The following NAA50 variants were observed in gnomAD, a reference collection of about 807,000 sequenced individuals.
NAA50 encodes N-alpha-acetyltransferase 50, NatE catalytic subunit.
A neutral mutation model predicts 20.7 loss-of-function variants in NAA50; 7 were observed. That is an observed-to-expected ratio of 0.34 (90% CI 0.19 to 0.63). NAA50 has a LOEUF of 0.63. Ranked by LOEUF, NAA50 falls within the 30% of genes least tolerant of loss-of-function variation. NAA50 has a pLI of 0.75. For synonymous variants in NAA50, 54 were observed against 70.6 expected, an observed-to-expected ratio of 0.77 and a Z score of 1.18; for missense variants, 111 against 199.1, an observed-to-expected ratio of 0.56 and a Z score of 2.66.
At position 113,722,943 on chromosome 3, in the gene NAA50, T is replaced by A. The variant is rs1471903271; in HGVS notation, c.295A>T (p.Ile99Phe). The change falls in exon 4 of 5, where the codon ATC becomes TTC. Residue 99 changes from isoleucine (I) to phenylalanine (F), a missense_variant. By Grantham distance (21) the Ile-to-Phe change is conservative (BLOSUM62 0). Transcript: ENST00000240922. ...GTKMLNHVLN[I>F]CEKDGTFDNI... ...TCAAAAGTACCATCTTTTTCACAGATGTTTAAGACATGATTTAACATTTTA... is the reference window on the plus strand; with the variant it reads ...TCAAAAGTACCATCTTTTTCACAGAAGTTTAAGACATGATTTAACATTTTA... The A allele has an allele frequency of 6.5e-7, 1 of 1,543,464 alleles. No homozygotes were observed.
At chr3:113,733,892 CATATTAA>C (rs1299169511) in intron 1 of NAA50, among the ~76,000 whole-genome samples, 12 of 141,062 alleles carry the variant, frequency 8.5e-5, no homozygotes, top group Middle Eastern at 3.6e-3. Context: ...AAAAAATATT[CATATTAA>C]ATATTAAAGT....
chr3:113,741,113 C>T, intron 1 of NAA50: 1 of 549,244 alleles, frequency 1.8e-6, no homozygotes, highest in Non-Finnish European at 3.6e-6. Flanking sequence ...ATGTGGATGA[C>T]TATACTTGAA....
At chr3:113,745,874 T>G in intron 1 of NAA50, 68 bp downstream of exon 1, 1 of 1,537,624 alleles carries the variant, frequency 6.5e-7, no homozygotes, top group Non-Finnish European at 8.8e-7. Context: ...TTTGCGGCTC[T>G]CCCCCTCTAC....
intron 1 of NAA50, among the ~76,000 whole-genome samples, chr3:113,726,966 A>T (rs781053848): frequency 6.6e-6 from 1 of 152,058 alleles, no homozygotes; most frequent in Non-Finnish European, 1.5e-5. Context: ...TGATTTTTGA[A>T]TTTTTTGTAG....
chr3:113,727,234 T>C (rs769049925), intron 1 of NAA50, among the ~76,000 whole-genome samples: 1 of 152,172 alleles, frequency 6.6e-6, no homozygotes, highest in Non-Finnish European at 1.5e-5. Context: ...GAGCATCTCA[T>C]TTAAAAAAAA....
rs1708059246 is a variant in NAA50 at position 113,717,022 on chromosome 3, C to T, written c.*4738G>A. On this transcript the variant is annotated 3_prime_UTR_variant, in exon 5 of 5. Coordinates refer to ENST00000240922, the MANE Select transcript of NAA50 (RefSeq NM_025146.4). ...TAGAAGCTACTGAGCAAGGAAAATA[C>T]CTTGATTCATTCTAGATAGAAAACA... The T allele has an allele frequency of 6.6e-6, 1 of 152,110 alleles. No homozygotes were observed. Among genetic ancestry groups the T allele is most frequent in the African/African-American group, 2.4e-5 (1 of 41,420 alleles). The allele number at this position is 152,110 out of a possible 1,614,324, so 9.4% of individuals were successfully genotyped here. A position where few individuals can be genotyped will look rare whatever the true frequency, so the allele number is the denominator to read the frequency against.
Position 113,721,850 on chromosome 3 carries a change from C to T in NAA50, c.420G>A (p.Lys140=), listed in dbSNP as rs1187598654. The T allele has an allele frequency of 5.0e-6, 8 of 1,613,858 alleles. No homozygotes were observed. In the East Asian group the frequency reaches 1.8e-4, roughly 36 times the overall value. Reference sequence around the variant, plus strand: ...CATGAGCATCTGCGGGCTCTATCCTCTTATAGTAGTTCTTCTTTGTCTCAA... The same window carrying T: ...CATGAGCATCTGCGGGCTCTATCCTTTTATAGTAGTTCTTCTTTGTCTCAA... ...EIIETKKNYY[K]RIEPADAHVL... is the part of the protein sequence containing the mutation. The change falls in exon 5 of 5, where the codon AAG becomes AAA. Residue 140 remains lysine, a synonymous_variant. Transcript: ENST00000240922.
intron 1 of NAA50, among the ~76,000 whole-genome samples, chr3:113,732,795 C>A (rs537438826): frequency 6.6e-6 from 1 of 152,342 alleles, no homozygotes; most frequent in African/African-American, 2.4e-5. Flanking sequence ...TGTCTGCCAA[C>A]ACCTTGATTT....
At chr3:113,743,199 G>C (rs1338222144) in intron 1 of NAA50, among the ~76,000 whole-genome samples, 1 of 152,150 alleles carries the variant, frequency 6.6e-6, no homozygotes, top group Admixed American at 6.5e-5. Flanking sequence ...AAAATATGAA[G>C]AAAAACCAGC....
chr3:113,733,675 A>G (rs1708300631), intron 1 of NAA50, among the ~76,000 whole-genome samples: 1 of 151,930 alleles, frequency 6.6e-6, no homozygotes, highest in African/African-American at 2.4e-5. Flanking sequence ...AACATGGCGA[A>G]ACCCCATCTC....
chr3:113,724,387 T>A (rs1365922264), intron 1 of NAA50, among the ~76,000 whole-genome samples: 1 of 152,212 alleles, frequency 6.6e-6, no homozygotes, highest in Non-Finnish European at 1.5e-5. Context: ...TAGTTCATAG[T>A]TCAGAAAAAT....
At chr3:113,735,173 C>A (rs1708323518) in intron 1 of NAA50, among the ~76,000 whole-genome samples, 1 of 152,092 alleles carries the variant, frequency 6.6e-6, no homozygotes, top group African/African-American at 2.4e-5. Context: ...CGTAAAAGAA[C>A]AGGAACCTAC....
intron 1 of NAA50, among the ~76,000 whole-genome samples, chr3:113,724,423 T>C (rs1293349592): frequency 6.6e-6 from 1 of 152,224 alleles, no homozygotes; most frequent in Non-Finnish European, 1.5e-5. Flanking sequence ...TCTGGTAAAA[T>C]TACAGTTCCT....
chr3:113,735,260 A>C (rs956907717), intron 1 of NAA50, among the ~76,000 whole-genome samples: 10 of 152,230 alleles, frequency 6.6e-5, no homozygotes, highest in Non-Finnish European at 1.5e-4. Context: ...AAATCAAAGA[A>C]TGGATCCCAA....
chr3:113,729,567 G>C (rs1439606450), intron 1 of NAA50, among the ~76,000 whole-genome samples: 4 of 149,550 alleles, frequency 2.7e-5, no homozygotes, highest in Non-Finnish European at 5.9e-5. Context: ...TTTGAGATGA[G>C]GGTCTCAACT....
intron 1 of NAA50, chr3:113,739,337 A>G (rs1007455234): frequency 6.6e-6 from 1 of 152,254 alleles, no homozygotes; most frequent in Admixed American, 6.5e-5. Context: ...AGAGAAGGAC[A>G]TTCTCATACA....
At chr3:113,737,796 C>T (rs1460153029) in intron 1 of NAA50, among the ~76,000 whole-genome samples, 6 of 152,122 alleles carry the variant, frequency 3.9e-5, no homozygotes, top group Non-Finnish European at 8.8e-5. Context: ...CAGAACTCTC[C>T]TACATCCTGT....
chr3:113,723,636 T>C, intron 2 of NAA50, 95 bp from the exon 3 acceptor site: 1 of 1,319,084 alleles, frequency 7.6e-7, no homozygotes, highest in African/African-American at 1.5e-5. Context: ...CCTATCAACA[T>C]TAAATTTCAT....
At chr3:113,736,301 C>T (rs926363978) in intron 1 of NAA50, among the ~76,000 whole-genome samples, 1 of 152,158 alleles carries the variant, frequency 6.6e-6, no homozygotes, top group African/African-American at 2.4e-5. Flanking sequence ...AAAAGTGGGA[C>T]AGACTGTGAT....
Sources: gnomAD v4.1 joint callset for allele counts (sites outside exome capture counted in the v4.1 genomes callset) on GRCh38, gnomAD v4.1.1 for gene constraint, MANE v1.5 for transcripts, NCBI Gene and HGNC (gene_info 2026-07-23, HGNC 2026-07-21) for gene names.